LRBA: variants seen among roughly 807,000 people sequenced by gnomAD.
The protein encoded by LRBA is LPS responsive beige-like anchor protein.
A neutral mutation model predicts 330.0 loss-of-function variants in LRBA; 176 were observed. The observed-to-expected ratio is 0.53, with a 90% CI of 0.47 to 0.60. The LOEUF (loss-of-function observed/expected upper bound fraction) is 0.60. LRBA is among the 20% of genes least tolerant of loss of function. LRBA has a pLI of 0.00. For missense variants in LRBA, 3,259 were observed against 3,444.8 expected (o/e 0.95, Z 1.35); for synonymous variants, 1,230 against 1,193.0 (o/e 1.03, Z -0.64).
chr4:150,647,352 C>CTTTT lies in LRBA; in HGVS notation c.5921+36195_5921+36198dup, dbSNP rs769403201. Among the ~76,000 whole-genome samples, 619 of 79,776 alleles carry CTTTT rather than the reference C, an allele frequency of 7.8e-3. 22 individuals carry two copies. Among genetic ancestry groups the CTTTT allele is most frequent in the East Asian group, 0.01 (24 of 2,354 alleles). 52.3% of individuals were successfully genotyped at this position (79,776 alleles called of 152,430 possible). ...GTAAAAAGTAAAATGATTACTTTTT[C>CTTTT]TTTTTTTTTTTTTTTTTTTTTTTGA... On this transcript the variant is annotated intron_variant, in intron 37 of 56. Coordinates refer to ENST00000651943, the MANE Select transcript of LRBA (RefSeq NM_001364905.1).
At chr4:150,707,210 T>C (rs560984379) in intron 36 of LRBA, among the ~76,000 whole-genome samples, 3 of 151,754 alleles carry the variant, frequency 2.0e-5, no homozygotes, top group South Asian at 2.1e-4. Context: ...CACTGTGTGC[T>C]TTCTTATAAT....
At chr4:150,675,045 T>C (rs755897096) in intron 37 of LRBA, among the ~76,000 whole-genome samples, 4 of 151,728 alleles carry the variant, frequency 2.6e-5, no homozygotes, top group Non-Finnish European at 5.9e-5. Context: ...AGTGAGACTT[T>C]GTTGCCCAGA....
intron 40 of LRBA, among the ~76,000 whole-genome samples, chr4:150,504,076 G>A (rs987473220): frequency 6.6e-6 from 1 of 152,190 alleles, no homozygotes; most frequent in African/African-American, 2.4e-5. Context: ...AAGCCTCCAA[G>A]AAATATGGGA....
At chr4:150,697,351 A>AAAAAAC (rs1491393713) in intron 36 of LRBA, among the ~76,000 whole-genome samples, 10 of 148,086 alleles carry the variant, frequency 6.8e-5, no homozygotes, top group Admixed American at 2.0e-4. Context: ...AAAAAAAAAA[A>AAAAAAC]CAGGGAGAGT....
chr4:150,766,037 T>G (rs1381042152), intron 34 of LRBA, among the ~76,000 whole-genome samples: 1 of 152,098 alleles, frequency 6.6e-6, no homozygotes, highest in African/African-American at 2.4e-5. Flanking sequence ...TTCAGTGTTT[T>G]ATGGAGGCTC....
chr4:151,007,664 T>G (rs938629808), intron 2 of LRBA, among the ~76,000 whole-genome samples: 19 of 151,792 alleles, frequency 1.3e-4, no homozygotes, highest in African/African-American at 4.3e-4. Flanking sequence ...GAGACCATCC[T>G]GGCTAACACG....
intron 2 of LRBA, among the ~76,000 whole-genome samples, chr4:150,940,703 TC>T (rs550203833): frequency 1.3e-5 from 2 of 152,278 alleles, no homozygotes; most frequent in African/African-American, 4.8e-5. Context: ...GTTACCACAT[TC>T]TTTATTCAAT....
intron 31 of LRBA, among the ~76,000 whole-genome samples, chr4:150,809,012 T>C (rs1054022756): frequency 2.0e-5 from 3 of 152,090 alleles, no homozygotes; most frequent in Non-Finnish European, 4.4e-5. Flanking sequence ...AGTCCAAAAG[T>C]GATTAGAAAC....
At chr4:150,957,590 C>T (rs1737677622) in intron 2 of LRBA, among the ~76,000 whole-genome samples, 1 of 148,498 alleles carries the variant, frequency 6.7e-6, no homozygotes. Flanking sequence ...CATGCCTTCC[C>T]AACAGTCCCC....
chr4:150,325,125 G>A (rs191205178), intron 49 of LRBA, among the ~76,000 whole-genome samples: 1 of 152,202 alleles, frequency 6.6e-6, no homozygotes, highest in East Asian at 1.9e-4. Context: ...ATTCTCATGG[G>A]ACTGCTCCTA....
intron 30 of LRBA, among the ~76,000 whole-genome samples, chr4:150,820,124 T>C (rs1745209014): frequency 6.6e-6 from 1 of 152,040 alleles, no homozygotes; most frequent in Admixed American, 6.6e-5. Context: ...ATGCCAACAA[T>C]TATTATTCAA....
intron 40 of LRBA, among the ~76,000 whole-genome samples, chr4:150,539,890 T>C (rs941521210): frequency 9.9e-5 from 15 of 152,202 alleles, no homozygotes; most frequent in African/African-American, 3.4e-4. Context: ...TCTTTTAGAG[T>C]ATCAGTTCGT....
chr4:150,567,969 T>C (rs964673564), intron 40 of LRBA, among the ~76,000 whole-genome samples: 2 of 151,952 alleles, frequency 1.3e-5, no homozygotes, highest in South Asian at 2.1e-4. Flanking sequence ...AACAACGATA[T>C]ATTAGAGTGT....
intron 2 of LRBA, among the ~76,000 whole-genome samples, chr4:150,978,981 G>C (rs1275239615): frequency 6.6e-6 from 1 of 152,110 alleles, no homozygotes; most frequent in Non-Finnish European, 1.5e-5. Flanking sequence ...TATTCAAAGG[G>C]ATAATAACAG....
chr4:150,824,137 T>G (rs1237417015), intron 30 of LRBA, among the ~76,000 whole-genome samples: 1 of 152,164 alleles, frequency 6.6e-6, no homozygotes, highest in Non-Finnish European at 1.5e-5. Context: ...CTGAGGGATC[T>G]TTCACTTCTT....
intron 47 of LRBA, among the ~76,000 whole-genome samples, chr4:150,351,429 C>T (rs920297337): frequency 6.6e-6 from 1 of 152,080 alleles, no homozygotes; most frequent in Non-Finnish European, 1.5e-5. Context: ...GTGGTTCATG[C>T]CTGTAATCCC....
intron 40 of LRBA, among the ~76,000 whole-genome samples, chr4:150,525,186 C>T (rs1171103246): frequency 6.6e-6 from 1 of 151,870 alleles, no homozygotes; most frequent in Non-Finnish European, 1.5e-5. Flanking sequence ...GAGTGAGCAT[C>T]AGAAGGCATT....
intron 36 of LRBA, among the ~76,000 whole-genome samples, chr4:150,707,451 C>A (rs1218080158): frequency 6.6e-6 from 1 of 151,198 alleles, no homozygotes; most frequent in East Asian, 1.9e-4. Context: ...AAAAACCAAT[C>A]AGAAAAACAT....
chr4:150,792,909 C>T (rs1009556223), intron 34 of LRBA, among the ~76,000 whole-genome samples: 15 of 152,000 alleles, frequency 9.9e-5, no homozygotes, highest in East Asian at 3.9e-4. Flanking sequence ...GGTGAAACCC[C>T]GTCTCTAATA....
Sources: allele counts gnomAD v4.1 joint callset (sites outside exome capture counted in the v4.1 genomes callset), GRCh38; gene constraint gnomAD v4.1.1; transcripts MANE v1.5; gene names NCBI Gene and HGNC (gene_info 2026-07-23, HGNC 2026-07-21).